Variants in ZNF782 observed in about 807,000 individuals in gnomAD.
ZNF782 encodes zinc finger protein 782.
A neutral mutation model predicts 13.0 loss-of-function variants in ZNF782; 12 were observed. The observed-to-expected ratio is 0.92, with a 90% CI of 0.59 to 1.50. The LOEUF (loss-of-function observed/expected upper bound fraction) is 1.50. Ranked by LOEUF, ZNF782 falls within the 40% of genes most tolerant of loss-of-function variation. The pLI is 0.00. For missense variants in ZNF782, 770 were observed against 822.9 expected, an observed-to-expected ratio of 0.94 and a Z score of 0.79; for synonymous variants, 284 against 283.0, an observed-to-expected ratio of 1.00 and a Z score of -0.04.
intron 2 of ZNF782, 121 bp from the exon 3 acceptor site, chr9:96,852,126 G>A (rs1851507688): frequency 6.3e-6 from 4 of 637,532 alleles, no homozygotes; most frequent in Non-Finnish European, 8.2e-6. Flanking sequence ...GGGCCCTTCA[G>A]GCCTTGAAAA....
At chr9:96,856,307 A>C (rs1851641591), upstream of ZNF782, among the ~76,000 whole-genome samples, 1 of 152,252 alleles carries the variant, frequency 6.6e-6, no homozygotes, top group African/African-American at 2.4e-5. Flanking sequence ...TCTTTAAATC[A>C]AAACAAAAGG....
At chr9:96,859,358 G>A (rs575912591), upstream of ZNF782, among the ~76,000 whole-genome samples, 8 of 152,078 alleles carry the variant, frequency 5.3e-5, no homozygotes, top group African/African-American at 9.7e-5. Flanking sequence ...TCGCAGCTCT[G>A]ACAGAGACCT....
the ZNF782 span, among the ~76,000 whole-genome samples, chr9:96,898,829 C>T: frequency 3.4e-5 from 5 of 148,840 alleles, no homozygotes; most frequent in African/African-American, 1.3e-4. Context: ...CCACCTGGGC[C>T]TCCCAAAGTG....
upstream of ZNF782, among the ~76,000 whole-genome samples, chr9:96,854,908 G>GAA (rs1366600418): frequency 6.8e-6 from 1 of 147,058 alleles, no homozygotes; most frequent in African/African-American, 2.5e-5. Context: ...GAATTTTGTA[G>GAA]AAATTTTTTT....
At chr9:96,831,768 G>T (rs1433080220) in intron 4 of ZNF782, among the ~76,000 whole-genome samples, 1 of 151,292 alleles carries the variant, frequency 6.6e-6, no homozygotes, top group Non-Finnish European at 1.5e-5. Flanking sequence ...ACATCACTCT[G>T]TTACCAATAA....
In ZNF782 at chr9:96,828,788, T is replaced by G. The variant is rs373392022; in HGVS notation, c.143-1607A>C. 1.5e-3 allele frequency among the ~76,000 whole-genome samples: 234 copies of G among 152,176 alleles called. 1 individual carries two copies. The highest frequency in any genetic ancestry group is 0.014 in the Middle Eastern group (4 of 294). The stretch of plus-strand genomic sequence containing the variant: ...ATTCTGATGCAACAGTGGCCAAAAT[T>G]TCCTAATTTTAATGACCTATATAAA... On this transcript the variant is annotated intron_variant, in intron 4 of 5. Transcript: ENST00000481138.
chr9:96,881,905 G>C, the ZNF782 span, among the ~76,000 whole-genome samples: 1 of 151,600 alleles, frequency 6.6e-6, no homozygotes, highest in Non-Finnish European at 1.5e-5. Context: ...TACGTCTTCT[G>C]CATTTCCACA....
Position 96,827,085 on chromosome 9 carries a change from G to A in ZNF782, c.239C>T (p.Ser80Phe), listed in dbSNP as rs1222962120. The change falls in exon 5 of 6, where the codon TCC becomes TTC. Residue 80 changes from serine to phenylalanine, a missense_variant. Coordinates refer to ENST00000481138, the MANE Select transcript of ZNF782 (RefSeq NM_001001662.3). ...TGTTGAATTCAGTAACTCACCTGGG[G>A]AGTTCCTGCTTAGAAATCCTTTCTC... ...EKEKGFLSRN[S>F]PEDSQPDEIS... 1 of 1,607,646 alleles carries A rather than the reference G, an allele frequency of 6.2e-7. No individual in the cohort carries two copies. Among genetic ancestry groups the A allele is most frequent in the Non-Finnish European group, 8.5e-7 (1 of 1,176,184 alleles).
chr9:96,878,809 G>A (rs544217947), upstream of ZNF782, among the ~76,000 whole-genome samples: 69 of 152,310 alleles, frequency 4.5e-4, no homozygotes, highest in Middle Eastern at 3.4e-3. Context: ...CAAAATGATA[G>A]AATTGTGCAG....
chr9:96,883,125 G>A, the ZNF782 span, among the ~76,000 whole-genome samples: 2 of 152,122 alleles, frequency 1.3e-5, no homozygotes, highest in African/African-American at 4.8e-5. Context: ...AGACAAAGCA[G>A]CTAGACATCG....
chr9:96,826,686 G>A (rs1001778842), intron 5 of ZNF782, among the ~76,000 whole-genome samples: 2 of 152,130 alleles, frequency 1.3e-5, no homozygotes, highest in African/African-American at 4.8e-5. Flanking sequence ...CATAACTGCC[G>A]AGGGGCTCAC....
Position 96,818,082 on chromosome 9 carries a change from A to G in ZNF782, c.1941T>C (p.Asn647=). Residue 647 remains asparagine (N), a synonymous_variant, in exon 6 of 6, where the codon AAT becomes AAC. Transcript: ENST00000481138. ...TGAAAGCTTCCCCACACTGATTACA[A>G]TTATATGGTTTCTCCCCGGTGTGAG... ...QRTHTGEKPY[N]CNQCGEAFSQ... is the part of the protein sequence containing the mutation. 2 of 1,589,452 alleles carry G rather than the reference A, an allele frequency of 1.3e-6. No individual in the cohort carries two copies. Among genetic ancestry groups the G allele is most frequent in the Middle Eastern group, 1.7e-4 (1 of 5,930 alleles).
the ZNF782 span, among the ~76,000 whole-genome samples, chr9:96,927,190 T>A: frequency 5.3e-5 from 8 of 152,308 alleles, no homozygotes; most frequent in African/African-American, 1.9e-4. Flanking sequence ...AGGACAGCAA[T>A]GAGCTGAGAG....
chr9:96,877,957 T>C (rs1370530979), upstream of ZNF782, among the ~76,000 whole-genome samples: 1 of 149,790 alleles, frequency 6.7e-6, no homozygotes, highest in East Asian at 1.9e-4. Flanking sequence ...AACAGTATAA[T>C]AAACAGTCAA....
upstream of ZNF782, among the ~76,000 whole-genome samples, chr9:96,859,299 C>A (rs1851678026): frequency 6.6e-6 from 1 of 152,176 alleles, no homozygotes. Context: ...GCAGCTAGGG[C>A]AGCTATGGAG....
At chr9:96,906,927 A>G in the ZNF782 span, among the ~76,000 whole-genome samples, 2,676 of 151,718 alleles carry the variant, frequency 0.018, 3 homozygotes, top group East Asian at 0.19. Flanking sequence ...TTAGCACACA[A>G]AAAGACATCA....
At chr9:96,839,212 T>G (rs1851108732) in intron 4 of ZNF782, among the ~76,000 whole-genome samples, 1 of 151,838 alleles carries the variant, frequency 6.6e-6, no homozygotes, top group African/African-American at 2.4e-5. Flanking sequence ...TGTCTAAAAT[T>G]TTCTGTCTTT....
the ZNF782 span, among the ~76,000 whole-genome samples, chr9:96,930,009 C>A: frequency 3.9e-5 from 6 of 152,384 alleles, no homozygotes; most frequent in South Asian, 6.2e-4. Context: ...TGTGTCCTGA[C>A]TGATGAGGTG....
intron 3 of ZNF782, among the ~76,000 whole-genome samples, chr9:96,846,229 CA>C (rs929828887): frequency 2.6e-5 from 4 of 151,958 alleles, no homozygotes; most frequent in African/African-American, 9.7e-5. Context: ...TGATATGCAC[CA>C]AAACAGAACC....
Sources: gnomAD v4.1 joint callset for allele counts (sites outside exome capture counted in the v4.1 genomes callset) on GRCh38, gnomAD v4.1.1 for gene constraint, MANE v1.5 for transcripts, NCBI Gene and HGNC (gene_info 2026-07-23, HGNC 2026-07-21) for gene names.